The following SOX5 variants were observed in gnomAD, a reference collection of about 807,000 sequenced individuals.
SOX5 encodes the protein SRY-box transcription factor 5.
Under a neutral mutation model 92.0 loss-of-function variants are expected in SOX5, and 9 were observed. The ratio of observed to expected loss-of-function variants is 0.10; its 90% CI spans 0.06 to 0.17. The LOEUF is 0.17. SOX5 is among the 10% of genes least tolerant of loss of function. The pLI, the probability that SOX5 is intolerant of heterozygous loss-of-function variation, is 1.00. For synonymous variants in SOX5, 344 were observed against 336.3 expected (o/e 1.02, Z -0.25); for missense variants, 642 against 944.5 (o/e 0.68, Z 4.20).
intron 4 of SOX5, among the ~76,000 whole-genome samples, chr12:23,970,455 C>T (rs1390637213): frequency 6.6e-6 from 1 of 152,064 alleles, no homozygotes; most frequent in Non-Finnish European, 1.5e-5. Context: ...CCCATTCTCT[C>T]TTCCCTTCAG....
chr12:23,889,680 C>T (rs1373686091), intron 2 of SOX5, among the ~76,000 whole-genome samples: 2 of 152,080 alleles, frequency 1.3e-5, no homozygotes, highest in African/African-American at 4.8e-5. Flanking sequence ...GGTGTATTTC[C>T]AAACTCTACA....
intron 1 of SOX5, among the ~76,000 whole-genome samples, chr12:24,402,991 A>C (rs1303787674): frequency 6.6e-6 from 1 of 152,154 alleles, no homozygotes; most frequent in Non-Finnish European, 1.5e-5. Context: ...CCTACATGAA[A>C]ATCTTTCTTG....
intron 9 of SOX5, among the ~76,000 whole-genome samples, chr12:23,596,403 T>C (rs1042772971): frequency 6.6e-6 from 1 of 152,244 alleles, no homozygotes; most frequent in African/African-American, 2.4e-5. Context: ...ATTTATACTT[T>C]GAGGCATCTC....
chr12:24,514,861 G>A (rs937230814), intron 1 of SOX5, among the ~76,000 whole-genome samples: 10 of 152,112 alleles, frequency 6.6e-5, no homozygotes, highest in African/African-American at 1.7e-4. Flanking sequence ...ATGAGAACAC[G>A]TGGTGGGGAA....
At chr12:23,998,013 T>C (rs1592181009) in intron 4 of SOX5, among the ~76,000 whole-genome samples, 1 of 152,118 alleles carries the variant, frequency 6.6e-6, no homozygotes, top group Non-Finnish European at 1.5e-5. Flanking sequence ...TATCAAATTG[T>C]ACAGTTTTCA....
At chr12:23,656,010 A>G (rs1379580828) in intron 7 of SOX5, among the ~76,000 whole-genome samples, 6 of 152,092 alleles carry the variant, frequency 3.9e-5, no homozygotes, top group Non-Finnish European at 8.8e-5. Flanking sequence ...AAATGCATAT[A>G]CTCATCCCAT....
intron 4 of SOX5, among the ~76,000 whole-genome samples, chr12:24,022,594 C>T (rs954725785): frequency 2.6e-5 from 4 of 152,070 alleles, no homozygotes; most frequent in Non-Finnish European, 5.9e-5. Flanking sequence ...ACTGGTGTCC[C>T]TTCCCAGTGC....
chr12:24,444,791 C>T (rs897965459), intron 1 of SOX5, among the ~76,000 whole-genome samples: 1 of 152,186 alleles, frequency 6.6e-6, no homozygotes, highest in Non-Finnish European at 1.5e-5. Context: ...CATCCTAACT[C>T]CAGAGCTCCC....
chr12:24,346,969 T>C (rs371644348), intron 2 of SOX5, among the ~76,000 whole-genome samples: 3 of 152,174 alleles, frequency 2.0e-5, no homozygotes, highest in African/African-American at 7.2e-5. Flanking sequence ...ACGGCACATG[T>C]ATACATATGT....
intron 3 of SOX5, among the ~76,000 whole-genome samples, chr12:23,845,720 A>G (rs1414773726): frequency 6.6e-6 from 1 of 152,168 alleles, no homozygotes; most frequent in African/African-American, 2.4e-5. Flanking sequence ...CTGCTGCCAC[A>G]TTCTATTCTT....
chr12:23,704,381 T>TCTC (rs1229598514), intron 6 of SOX5, among the ~76,000 whole-genome samples: 1 of 151,698 alleles, frequency 6.6e-6, no homozygotes, highest in Non-Finnish European at 1.5e-5. Context: ...AATCAATTCT[T>TCTC]CTCCCTTATT....
At chr12:24,174,292 C>T (rs941943970) in intron 4 of SOX5, among the ~76,000 whole-genome samples, 2 of 152,166 alleles carry the variant, frequency 1.3e-5, no homozygotes, top group African/African-American at 4.8e-5. Flanking sequence ...AGCCACTGCA[C>T]CCGGCAGAAA....
At chr12:24,047,926 T>C (rs1007717816) in intron 4 of SOX5, among the ~76,000 whole-genome samples, 2 of 152,242 alleles carry the variant, frequency 1.3e-5, no homozygotes, top group Non-Finnish European at 2.9e-5. Flanking sequence ...AATAAATTCT[T>C]GAAGAGTAAA....
chr12:23,944,195 G>A (rs1373250740), intron 1 of SOX5: 1 of 151,818 alleles, frequency 6.6e-6, no homozygotes, highest in Admixed American at 6.6e-5. Context: ...ATCTTGTTTC[G>A]GTCTGGTCCT....
chr12:23,848,956 T>C (rs139543066), intron 2 of SOX5, among the ~76,000 whole-genome samples: 5 of 152,176 alleles, frequency 3.3e-5, no homozygotes, highest in South Asian at 2.1e-4. Context: ...TTGCAACCAA[T>C]AGAAAAAGGA....
At position 23,534,318 on chromosome 12, in the gene SOX5, G is replaced by A. The variant is rs760994767; in HGVS notation, c.2193C>T (p.Ile731=). ...HIKEEIQAED[I]NGEIYDEYDE... ...CGTACTCATCATAAATTTCTCCATT[G>A]ATGTCCTCGGCCTGTATCTCTTCTT... The change falls in exon 15 of 15, where the codon ATC becomes ATT. Residue 731 remains isoleucine (I), a synonymous_variant. Transcript: ENST00000451604. 6.2e-7 allele frequency: 1 copy of A among 1,614,034 alleles called. No homozygotes were observed. The highest frequency in any genetic ancestry group is 2.2e-5 in the East Asian group (1 of 44,860).
At chr12:24,468,434 C>CT (rs1349285253) in intron 1 of SOX5, among the ~76,000 whole-genome samples, 1 of 151,892 alleles carries the variant, frequency 6.6e-6, no homozygotes, top group Non-Finnish European at 1.5e-5. Flanking sequence ...ATAATAAATA[C>CT]TATGGTAGTG....
chr12:23,544,870 T>A (rs891195531), intron 12 of SOX5, among the ~76,000 whole-genome samples: 1 of 152,222 alleles, frequency 6.6e-6, no homozygotes, highest in Non-Finnish European at 1.5e-5. Flanking sequence ...TAGCAAGTGA[T>A]CATTTGCACA....
At chr12:24,294,528 C>T (rs986058796) in intron 2 of SOX5, among the ~76,000 whole-genome samples, 2 of 152,126 alleles carry the variant, frequency 1.3e-5, no homozygotes, top group Admixed American at 6.5e-5. Flanking sequence ...TGCAAATGCC[C>T]ACACTCTGAG....
Sources: allele counts gnomAD v4.1 joint callset (sites outside exome capture counted in the v4.1 genomes callset), GRCh38; gene constraint gnomAD v4.1.1; transcripts MANE v1.5; gene names NCBI Gene and HGNC (gene_info 2026-07-23, HGNC 2026-07-21).